NKAIN2: variants seen among roughly 807,000 people sequenced by gnomAD.
NKAIN2 encodes the protein sodium/potassium-transporting ATPase subunit beta-1-interacting protein 2.
A neutral mutation model predicts 32.6 loss-of-function variants in NKAIN2; 14 were observed. The ratio of observed to expected loss-of-function variants is 0.43; its 90% CI spans 0.28 to 0.67. The LOEUF is 0.67. NKAIN2 is among the 30% of genes least tolerant of loss of function. NKAIN2 has a pLI of 0.17. For synonymous variants in NKAIN2, 80 were observed against 87.2 expected, an observed-to-expected ratio of 0.92 and a Z score of 0.46; for missense variants, 198 against 258.3, an observed-to-expected ratio of 0.77 and a Z score of 1.60.
intron 1 of NKAIN2, among the ~76,000 whole-genome samples, chr6:123,905,793 GTAAC>G (rs1774836490): frequency 6.6e-6 from 1 of 152,132 alleles, no homozygotes; most frequent in African/African-American, 2.4e-5. Context: ...TCTAAATAGT[GTAAC>G]TAAGACAGGA....
intron 1 of NKAIN2, among the ~76,000 whole-genome samples, chr6:123,997,597 CTTTTTTT>C (rs545393601): frequency 3.1e-5 from 3 of 98,258 alleles, no homozygotes; most frequent in Admixed American, 1.2e-4. Flanking sequence ...GGAGTTTATT[CTTTTTTT>C]TTTTTTTTTT....
intron 1 of NKAIN2, among the ~76,000 whole-genome samples, chr6:124,257,610 A>T (rs1040148473): frequency 6.6e-5 from 10 of 152,266 alleles, no homozygotes; most frequent in Admixed American, 6.5e-4. Context: ...AGACCTAAAA[A>T]GGTCTACTCT....
intron 1 of NKAIN2, among the ~76,000 whole-genome samples, chr6:124,044,335 C>CATATAAAAAAAAAAAAAAAG (rs1191447125): frequency 2.0e-5 from 3 of 152,116 alleles, no homozygotes; most frequent in African/African-American, 7.2e-5. Context: ...TATATAAAAA[C>CATATAAAAAAAAAAAAAAAG]TGTGGAATGT....
At chr6:123,921,181 AG>A (rs1203954467) in intron 1 of NKAIN2, among the ~76,000 whole-genome samples, 1 of 152,240 alleles carries the variant, frequency 6.6e-6, no homozygotes, top group Non-Finnish European at 1.5e-5. Context: ...ACAGCAACAC[AG>A]GAACTTTTAA....
intron 1 of NKAIN2, among the ~76,000 whole-genome samples, chr6:123,854,068 C>T (rs576364161): frequency 3.0e-3 from 458 of 152,244 alleles, no homozygotes; most frequent in Non-Finnish European, 5.1e-3. Context: ...CCACCACACC[C>T]GCCCGATAAA....
intron 3 of NKAIN2, among the ~76,000 whole-genome samples, chr6:124,469,135 C>G (rs565921809): frequency 6.6e-6 from 1 of 152,266 alleles, no homozygotes; most frequent in South Asian, 2.1e-4. Flanking sequence ...TCTGGGTGCT[C>G]TGAATAACTT....
intron 1 of NKAIN2, among the ~76,000 whole-genome samples, chr6:123,900,054 G>A (rs1172385419): frequency 6.6e-6 from 1 of 152,182 alleles, no homozygotes; most frequent in Admixed American, 6.5e-5. Flanking sequence ...CACAGTGCTA[G>A]GTGTCATGTA....
intron 1 of NKAIN2, among the ~76,000 whole-genome samples, chr6:124,066,812 A>G (rs1407746145): frequency 4.6e-5 from 7 of 152,032 alleles, no homozygotes; most frequent in Admixed American, 4.6e-4. Context: ...TAAGGATACT[A>G]TCTCAAAACA....
At chr6:124,517,690 A>T (rs576859174) in intron 3 of NKAIN2, among the ~76,000 whole-genome samples, 1 of 152,122 alleles carries the variant, frequency 6.6e-6, no homozygotes, top group Non-Finnish European at 1.5e-5. Flanking sequence ...TCTATGTTAA[A>T]TTTTTTTCTG....
At chr6:124,344,155 T>C (rs561883032) in intron 2 of NKAIN2, among the ~76,000 whole-genome samples, 95 of 152,262 alleles carry the variant, frequency 6.2e-4, no homozygotes, top group African/African-American at 2.2e-3. Flanking sequence ...TATGCAGCAT[T>C]ATTTCTGAGG....
At chr6:124,281,574 A>G (rs1039001196) in intron 1 of NKAIN2, among the ~76,000 whole-genome samples, 4 of 152,300 alleles carry the variant, frequency 2.6e-5, no homozygotes, top group Non-Finnish European at 4.4e-5. Context: ...GGTATAACAA[A>G]TCAAGGTTCT....
chr6:124,576,386 C>A (rs576398852), intron 3 of NKAIN2, among the ~76,000 whole-genome samples: 2 of 152,062 alleles, frequency 1.3e-5, no homozygotes, highest in Non-Finnish European at 2.9e-5. Flanking sequence ...TCATTTCAAG[C>A]GGTAGAACTC....
chr6:124,435,842 C>G (rs1186735762), intron 3 of NKAIN2, among the ~76,000 whole-genome samples: 1 of 152,144 alleles, frequency 6.6e-6, no homozygotes, highest in Non-Finnish European at 1.5e-5. Context: ...AACTAACATT[C>G]TATAGTCCAA....
chr6:124,791,236 C>G, intron 4 of NKAIN2, 103 bp from the exon 5 acceptor site: 1 of 747,920 alleles, frequency 1.3e-6, no homozygotes, highest in Non-Finnish European at 2.4e-6. Flanking sequence ...GGTTGGAGCC[C>G]TAAGTCTGGT....
At chr6:124,301,182 GC>G (rs1796278466) in intron 2 of NKAIN2, among the ~76,000 whole-genome samples, 1 of 152,186 alleles carries the variant, frequency 6.6e-6, no homozygotes, top group African/African-American at 2.4e-5. Context: ...GCTAAAAGGG[GC>G]CAAGGTACAG....
At chr6:124,126,184 ACTGT>A (rs573132271) in intron 1 of NKAIN2, among the ~76,000 whole-genome samples, 131 of 152,200 alleles carry the variant, frequency 8.6e-4, no homozygotes, top group African/African-American at 3.0e-3. Context: ...CACCCACAAT[ACTGT>A]CTGTCTATCT....
At chr6:124,236,850 T>C (rs1181772787) in intron 1 of NKAIN2, among the ~76,000 whole-genome samples, 4 of 152,102 alleles carry the variant, frequency 2.6e-5, no homozygotes, top group Non-Finnish European at 2.9e-5. Flanking sequence ...ACTAAAGGTA[T>C]TGGAAAAGAT....
chr6:124,228,371 A>T (rs1283953137), intron 1 of NKAIN2, among the ~76,000 whole-genome samples: 1 of 152,104 alleles, frequency 6.6e-6, no homozygotes, highest in African/African-American at 2.4e-5. Context: ...CCTCACCAGA[A>T]CCTGGCCAGG....
chr6:124,783,580 G>A (rs906682733), intron 4 of NKAIN2, among the ~76,000 whole-genome samples: 10 of 152,082 alleles, frequency 6.6e-5, no homozygotes, highest in African/African-American at 1.7e-4. Flanking sequence ...TGGATTACTC[G>A]TAGCAGAGAA....
Sources: gnomAD v4.1 joint callset for allele counts (sites outside exome capture counted in the v4.1 genomes callset) on GRCh38, gnomAD v4.1.1 for gene constraint, MANE v1.5 for transcripts, NCBI Gene and HGNC (gene_info 2026-07-23, HGNC 2026-07-21) for gene names.